The following IMMP2L variants were observed in gnomAD, a reference collection of about 807,000 sequenced individuals.
The protein encoded by IMMP2L is mitochondrial inner membrane protease subunit 2.
In IMMP2L, 18 loss-of-function variants were observed where a neutral mutation model predicts 19.3. That is an observed-to-expected ratio of 0.93 (90% CI 0.64 to 1.38). IMMP2L has a LOEUF of 1.38. Among genes scored for constraint, IMMP2L ranks in the 40% most tolerant of loss-of-function variants. IMMP2L has a pLI of 0.00. For synonymous variants in IMMP2L, 76 were observed against 73.0 expected, an observed-to-expected ratio of 1.04 and a Z score of -0.21; for missense variants, 233 against 218.2, an observed-to-expected ratio of 1.07 and a Z score of -0.43.
chr7:110,976,552 T>C (rs1489945796), intron 3 of IMMP2L, among the ~76,000 whole-genome samples: 1 of 152,220 alleles, frequency 6.6e-6, no homozygotes, highest in African/African-American at 2.4e-5. Context: ...TTAAAAAATT[T>C]TATAACTCAT....
At chr7:111,479,835 T>TA (rs1415805788) in intron 3 of IMMP2L, among the ~76,000 whole-genome samples, 1 of 152,112 alleles carries the variant, frequency 6.6e-6, no homozygotes, top group Non-Finnish European at 1.5e-5. Flanking sequence ...TTTGAAAACT[T>TA]ATAGTTACCT....
At chr7:111,323,876 C>A (rs1303111384) in intron 3 of IMMP2L, among the ~76,000 whole-genome samples, 1 of 151,994 alleles carries the variant, frequency 6.6e-6, no homozygotes, top group Non-Finnish European at 1.5e-5. Context: ...TCATTCTCAG[C>A]AAACTGTCAC....
At chr7:110,716,412 G>A (rs1042325563) in intron 5 of IMMP2L, among the ~76,000 whole-genome samples, 2 of 152,152 alleles carry the variant, frequency 1.3e-5, no homozygotes, top group African/African-American at 4.8e-5. Flanking sequence ...ATGTACGTAA[G>A]TGTGTTTTTG....
chr7:111,049,703 A>T (rs2129572620), intron 3 of IMMP2L, among the ~76,000 whole-genome samples: 1 of 152,322 alleles, frequency 6.6e-6, no homozygotes, highest in African/African-American at 2.4e-5. Flanking sequence ...ACAAAAAACT[A>T]TTTGTCAAAT....
At chr7:111,445,900 G>T (rs923899585) in intron 3 of IMMP2L, among the ~76,000 whole-genome samples, 1 of 152,196 alleles carries the variant, frequency 6.6e-6, no homozygotes, top group Non-Finnish European at 1.5e-5. Context: ...CCTGGGAAGC[G>T]CAAGGGGTCA....
At chr7:111,161,515 G>C (rs1805259507) in intron 3 of IMMP2L, among the ~76,000 whole-genome samples, 1 of 151,914 alleles carries the variant, frequency 6.6e-6, no homozygotes, top group East Asian at 1.9e-4. Flanking sequence ...AAAAGTATCT[G>C]ATAAAACTGA....
chr7:111,038,160 C>A (rs955444496), intron 3 of IMMP2L, among the ~76,000 whole-genome samples: 2 of 152,006 alleles, frequency 1.3e-5, no homozygotes, highest in African/African-American at 4.8e-5. Context: ...AAGAGGAGAG[C>A]CTGTGGCCAC....
chr7:111,324,015 T>C (rs530833507), intron 3 of IMMP2L, among the ~76,000 whole-genome samples: 1 of 151,884 alleles, frequency 6.6e-6, no homozygotes, highest in African/African-American at 2.4e-5. Context: ...TGGGGAGGGA[T>C]AGCATTAGGA....
At chr7:111,320,029 T>C (rs1824514622) in intron 3 of IMMP2L, among the ~76,000 whole-genome samples, 1 of 152,006 alleles carries the variant, frequency 6.6e-6, no homozygotes, top group Non-Finnish European at 1.5e-5. Context: ...TTAAAAAAAA[T>C]CTTCATCCCC....
chr7:110,765,044 G>A (rs912735565), intron 5 of IMMP2L, among the ~76,000 whole-genome samples: 2 of 152,012 alleles, frequency 1.3e-5, no homozygotes, highest in African/African-American at 4.8e-5. Flanking sequence ...AAGAAATACT[G>A]CTGACCTAGA....
intron 3 of IMMP2L, among the ~76,000 whole-genome samples, chr7:111,370,003 C>T (rs916354070): frequency 1.6e-4 from 24 of 152,010 alleles, no homozygotes; most frequent in Admixed American, 1.5e-3. Flanking sequence ...GCAATTAATT[C>T]TGTTTAGGGA....
chr7:110,814,356 A>C (rs1802286953), intron 5 of IMMP2L, among the ~76,000 whole-genome samples: 1 of 151,852 alleles, frequency 6.6e-6, no homozygotes, highest in African/African-American at 2.4e-5. Context: ...ATGACTAAAC[A>C]ATAGCTGAAG....
intron 3 of IMMP2L, chr7:111,124,932 C>CAA (rs398005852): frequency 2.1e-3 from 1,860 of 885,236 alleles, no homozygotes; most frequent in South Asian, 3.0e-3. Context: ...CAAAAATGAA[C>CAA]AAAAAAAAAA....
rs148835647 is a variant in IMMP2L at position 111,004,337 on chromosome 7, T to C, written c.240-40772A>G. ...ATCACGCCTGGCTAATTTTTATTTTTATATTTTTGTAGAAATAGGGTTTTT... is the reference window on the plus strand; with the variant it reads ...ATCACGCCTGGCTAATTTTTATTTTCATATTTTTGTAGAAATAGGGTTTTT... On this transcript the variant is annotated intron_variant, in intron 3 of 5. Transcript: ENST00000405709. Among the ~76,000 whole-genome samples, 277 of 152,282 alleles carry C rather than the reference T, an allele frequency of 1.8e-3. 1 individual carries two copies. Among genetic ancestry groups the C allele is most frequent in the African/African-American group, 5.5e-3 (228 of 41,558 alleles).
intron 5 of IMMP2L, among the ~76,000 whole-genome samples, chr7:110,717,463 TCAAAACAAAA>T (rs562273148): frequency 1.3e-5 from 2 of 152,102 alleles, no homozygotes; most frequent in African/African-American, 4.8e-5. Flanking sequence ...AGACTACGTC[TCAAAACAAAA>T]CAAAACAAAA....
At chr7:111,100,991 A>T (rs117182867) in intron 3 of IMMP2L, among the ~76,000 whole-genome samples, 2,725 of 151,628 alleles carry the variant, frequency 0.018, 33 homozygotes, top group Middle Eastern at 0.031. Flanking sequence ...TTATAAGTTT[A>T]AAATTCCCCC....
At chr7:110,716,066 T>C (rs184238381) in intron 5 of IMMP2L, among the ~76,000 whole-genome samples, 2 of 152,052 alleles carry the variant, frequency 1.3e-5, no homozygotes, top group African/African-American at 4.8e-5. Context: ...TTTTATCTGA[T>C]ACAAGAATAG....
At chr7:111,114,708 C>G (rs1289025509) in intron 3 of IMMP2L, among the ~76,000 whole-genome samples, 1 of 142,274 alleles carries the variant, frequency 7.0e-6, no homozygotes, top group Non-Finnish European at 1.5e-5. Context: ...CCACTGCCCT[C>G]TAGCCTGGGC....
intron 5 of IMMP2L, among the ~76,000 whole-genome samples, chr7:110,672,960 G>A (rs1052552083): frequency 7.9e-5 from 12 of 152,158 alleles, no homozygotes; most frequent in African/African-American, 2.7e-4. Flanking sequence ...GAGGATGGTG[G>A]CCCTCTTCTC....
Sources: gnomAD v4.1 joint callset for allele counts (sites outside exome capture counted in the v4.1 genomes callset) on GRCh38, gnomAD v4.1.1 for gene constraint, MANE v1.5 for transcripts, NCBI Gene and HGNC (gene_info 2026-07-23, HGNC 2026-07-21) for gene names.